Variants in MSL2 observed in about 807,000 individuals in gnomAD.
MSL2 encodes MSL complex subunit 2, also known as E3 ubiquitin-protein ligase MSL2.
Under a neutral mutation model 35.8 loss-of-function variants are expected in MSL2, and 2 were observed. The ratio of observed to expected loss-of-function variants is 0.06; its 90% confidence interval spans 0.02 to 0.18. The LOEUF is 0.18. Ranked by LOEUF, MSL2 falls within the 10% of genes least tolerant of loss-of-function variation. The pLI is 1.00. For missense variants in MSL2, 523 were observed against 706.7 expected (o/e 0.74, Z 2.95); for synonymous variants, 296 against 255.7 (o/e 1.16, Z -1.50).
chr3:136,190,108 T>A (rs1940643395), intron 1 of MSL2, among the ~76,000 whole-genome samples: 1 of 152,048 alleles, frequency 6.6e-6, no homozygotes, highest in African/African-American at 2.4e-5. Flanking sequence ...AATTTTTCTA[T>A]CGTGACACAT....
chr3:136,182,438 A>T (rs935640114), intron 1 of MSL2, among the ~76,000 whole-genome samples: 14 of 152,244 alleles, frequency 9.2e-5, no homozygotes, highest in African/African-American at 3.4e-4. Flanking sequence ...GGCACAGGAC[A>T]GTGATCCCTG....
chr3:136,182,004 A>C lies in MSL2; in HGVS notation c.142+12968T>G, dbSNP rs1940380740. On this transcript the variant is annotated intron_variant, in intron 1 of 1. Coordinates refer to ENST00000309993, the MANE Select transcript of MSL2 (RefSeq NM_018133.4). Reference sequence around the variant, plus strand: ...AAGAAAAAAAAATTTTTTAATTTAAAATTTTTTTAAAAAATCAAAACTTAA... The same window carrying C: ...AAGAAAAAAAAATTTTTTAATTTAACATTTTTTTAAAAAATCAAAACTTAA... 2.0e-5 allele frequency among the ~76,000 whole-genome samples: 3 copies of C among 152,170 alleles called. No homozygotes were observed. The South Asian group carries it at 6.2e-4, about 32-fold the overall frequency.
intron 1 of MSL2, among the ~76,000 whole-genome samples, chr3:136,187,176 T>C (rs1478229174): frequency 2.0e-5 from 3 of 152,182 alleles, no homozygotes; most frequent in African/African-American, 7.2e-5. Flanking sequence ...CTAGAAAACA[T>C]CTCATTTAAT....
intron 1 of MSL2, chr3:136,194,472 G>A: frequency 2.0e-6 from 2 of 985,858 alleles, no homozygotes; most frequent in Non-Finnish European, 2.4e-6. Flanking sequence ...CATTTGTGGA[G>A]GAACCTGGGG....
chr3:136,190,542 C>CAAA (rs10684427), intron 1 of MSL2, among the ~76,000 whole-genome samples: 26 of 120,036 alleles, frequency 2.2e-4, no homozygotes, highest in African/African-American at 7.8e-4. Flanking sequence ...AAGATTGTCT[C>CAAA]AAAAAAAAAA....
chr3:136,170,705 A>C (rs1459602695), intron 1 of MSL2, among the ~76,000 whole-genome samples: 1 of 151,572 alleles, frequency 6.6e-6, no homozygotes, highest in Non-Finnish European at 1.5e-5. Context: ...GACATTCACT[A>C]TGTTGGCCAG....
chr3:136,186,726 A>G (rs1576375668), intron 1 of MSL2, among the ~76,000 whole-genome samples: 1 of 152,318 alleles, frequency 6.6e-6, no homozygotes, highest in African/African-American at 2.4e-5. Flanking sequence ...CTAATCCTAC[A>G]TTATAGTGAA....
chr3:136,176,384 A>G (rs947716372), intron 1 of MSL2, among the ~76,000 whole-genome samples: 4 of 151,704 alleles, frequency 2.6e-5, no homozygotes, highest in Non-Finnish European at 4.4e-5. Context: ...ACATGGGGGC[A>G]TGCACCTGCA....
In MSL2 at chr3:136,151,718, A is replaced by G. The variant is rs980355816; in HGVS notation, c.1163T>C (p.Val388Ala). Residue 388 changes from valine to alanine, a missense_variant, in exon 2 of 2, where the codon GTT (valine) becomes GCT (alanine). Around this residue, in one of 5 missense-constraint regions of MSL2, gnomAD observed 361 missense variants for 414.6 expected, o/e 0.87. Coordinates refer to ENST00000309993, the MANE Select transcript of MSL2 (RefSeq NM_018133.4). The surrounding 1 kb of genome is among the most constrained non-coding windows in gnomAD (Gnocchi z 5.2). ...TTTAGGTGTTGTGCCTCCATTGGGA[A>G]CAGTTGCTATAGGTTGAAGAGAAAT... is the stretch of plus-strand genomic sequence containing the variant. ...SKISLQPIAT[V>A]PNGGTTPKIS... The G allele has an allele frequency of 6.2e-7, 1 of 1,614,050 alleles. No homozygotes were observed. The highest frequency in any genetic ancestry group is 8.5e-7 in the Non-Finnish European group (1 of 1,180,036).
intron 1 of MSL2, among the ~76,000 whole-genome samples, chr3:136,154,445 C>T (rs1306665601): frequency 2.0e-5 from 3 of 152,146 alleles, no homozygotes; most frequent in Non-Finnish European, 2.9e-5. Context: ...TCTTACTCTC[C>T]AAAGCTGCAA....
At chr3:136,193,470 A>T (rs1940747329) in intron 1 of MSL2, among the ~76,000 whole-genome samples, 1 of 151,976 alleles carries the variant, frequency 6.6e-6, no homozygotes, top group South Asian at 2.1e-4. Flanking sequence ...ACCTCACCAT[A>T]GTAGCACCCT....
intron 1 of MSL2, among the ~76,000 whole-genome samples, chr3:136,169,502 G>A (rs1939956924): frequency 6.6e-6 from 1 of 152,090 alleles, no homozygotes; most frequent in Non-Finnish European, 1.5e-5. Flanking sequence ...AGGCTGCAGT[G>A]GAGTGGCATA....
chr3:136,152,445 G>A lies in MSL2; in HGVS notation c.436C>T (p.Pro146Ser), dbSNP rs758392569. The A allele has an allele frequency of 2.5e-6, 4 of 1,614,102 alleles. No individual in the cohort carries two copies. The Admixed American group carries it at 5.0e-5, about 20-fold the overall frequency. The change falls in exon 2 of 2, where the codon CCC becomes TCC. Residue 146 changes from proline (P) to serine (S), a missense_variant. Physicochemically the swap from Pro to Ser is moderately conservative, Grantham distance 74. Coordinates refer to ENST00000309993, the MANE Select transcript of MSL2 (RefSeq NM_018133.4). ...CACAAAGTAAAGGATGAATCTGAGG[G>A]TTTTTCTGTCTCCTCACAAAACAAT... ...GSLFCEETEK[P>S]SDSSFTLCLT...
At chr3:136,164,081 T>C (rs549264624) in intron 1 of MSL2, among the ~76,000 whole-genome samples, 5 of 152,314 alleles carry the variant, frequency 3.3e-5, no homozygotes, top group Non-Finnish European at 5.9e-5. Flanking sequence ...TTCATTTTTT[T>C]AAAAAAGAAA....
intron 1 of MSL2, among the ~76,000 whole-genome samples, chr3:136,169,087 G>A (rs1004636414): frequency 4.6e-5 from 7 of 151,938 alleles, no homozygotes; most frequent in Admixed American, 2.0e-4. Context: ...GACAAGAGGC[G>A]CACTTTATCT....
chr3:136,194,536 TC>T, intron 1 of MSL2: 1 of 745,832 alleles, frequency 1.3e-6, no homozygotes, highest in Non-Finnish European at 1.6e-6. Flanking sequence ...AGCCCACCAC[TC>T]CCACGTAACA....
At chr3:136,167,355 T>A (rs1460225581) in intron 1 of MSL2, among the ~76,000 whole-genome samples, 1 of 151,816 alleles carries the variant, frequency 6.6e-6, no homozygotes, top group Non-Finnish European at 1.5e-5. Flanking sequence ...AAAAAAAATA[T>A]CAAGGAATTA....
At chr3:136,181,049 A>T (rs1940343028) in intron 1 of MSL2, among the ~76,000 whole-genome samples, 1 of 151,842 alleles carries the variant, frequency 6.6e-6, no homozygotes, top group South Asian at 2.1e-4. Context: ...GCTACTTAAG[A>T]GGCTGAGGCA....
intron 1 of MSL2, chr3:136,194,454 C>T: frequency 1.0e-6 from 1 of 985,396 alleles, no homozygotes; most frequent in Non-Finnish European, 1.2e-6. Flanking sequence ...ACCGTCAAAC[C>T]GTCAAAGCAT....
Sources: gnomAD v4.1 joint callset for allele counts (sites outside exome capture counted in the v4.1 genomes callset) on GRCh38, gnomAD v4.1.1 for gene constraint, gnomAD v4.1.1 regional missense constraint, Gnocchi (gnomAD v3.1) non-coding constraint, MANE v1.5 for transcripts, NCBI Gene and HGNC (gene_info 2026-07-23, HGNC 2026-07-21) for gene names.